Variants in ADGRF5 observed in about 807,000 individuals in gnomAD.
The protein encoded by ADGRF5 is G-protein coupled receptor 116.
ADGRF5 carries 75 observed loss-of-function variants against 132.3 expected under a neutral mutation model. That is an observed-to-expected ratio of 0.57 (90% CI 0.47 to 0.69). The LOEUF (loss-of-function observed/expected upper bound fraction) is 0.69, where lower values mean the gene tolerates loss of function less well. Ranked by LOEUF, ADGRF5 falls within the 30% of genes least tolerant of loss-of-function variation. The pLI is 0.00. For synonymous variants in ADGRF5, 629 were observed against 597.6 expected, an observed-to-expected ratio of 1.05 and a Z score of -0.77; for missense variants, 1,516 against 1,630.6, an observed-to-expected ratio of 0.93 and a Z score of 1.21.
chr6:46,886,766 C>T (rs1018112069), intron 4 of ADGRF5: 2 of 152,324 alleles, frequency 1.3e-5, no homozygotes, highest in East Asian at 3.9e-4. Context: ...TCATTGCCCA[C>T]CCATCCCATT....
intron 10 of ADGRF5, among the ~76,000 whole-genome samples, chr6:46,877,684 G>A (rs1771970336): frequency 6.6e-6 from 1 of 152,076 alleles, no homozygotes; most frequent in Non-Finnish European, 1.5e-5. Flanking sequence ...TGAAATGACT[G>A]AGAGACAAAC....
chr6:46,931,260 T>G (rs1409825508), intron 1 of ADGRF5, among the ~76,000 whole-genome samples: 1 of 152,106 alleles, frequency 6.6e-6, no homozygotes, highest in Admixed American at 6.6e-5. Context: ...TCTTTCTCTT[T>G]CCCCTCATTT....
intron 13 of ADGRF5, among the ~76,000 whole-genome samples, chr6:46,865,755 G>A (rs1770341825): frequency 6.6e-6 from 1 of 152,192 alleles, no homozygotes; most frequent in Admixed American, 6.5e-5. Flanking sequence ...AGACTACAGT[G>A]TTTATTGAGT....
intron 17 of ADGRF5, 88 bp from the exon 18 acceptor site, chr6:46,856,996 T>A: frequency 1.0e-6 from 1 of 974,344 alleles, no homozygotes; most frequent in Non-Finnish European, 1.6e-6. Flanking sequence ...TGGTGTTAAA[T>A]TTGTACTACT....
intron 6 of ADGRF5, among the ~76,000 whole-genome samples, chr6:46,882,774 A>G (rs927280418): frequency 2.6e-5 from 4 of 152,222 alleles, no homozygotes; most frequent in Non-Finnish European, 5.9e-5. Context: ...TGTAAATCAA[A>G]CATCCAAGAG....
At chr6:46,954,246 T>G (rs748222810) in intron 1 of ADGRF5, among the ~76,000 whole-genome samples, 5 of 109,828 alleles carry the variant, frequency 4.6e-5, no homozygotes, top group Non-Finnish European at 9.3e-5. Context: ...CAAAGTACTC[T>G]TTTTTTTTTC....
intron 1 of ADGRF5, among the ~76,000 whole-genome samples, chr6:46,943,407 A>G (rs1288431170): frequency 6.6e-6 from 1 of 152,178 alleles, no homozygotes; most frequent in Non-Finnish European, 1.5e-5. Flanking sequence ...GTTTCTGGGC[A>G]CCTACTTTGT....
At chr6:46,927,039 G>T (rs1777285978) in intron 1 of ADGRF5, among the ~76,000 whole-genome samples, 1 of 152,038 alleles carries the variant, frequency 6.6e-6, no homozygotes, top group African/African-American at 2.4e-5. Context: ...CCTGGTTTGG[G>T]ACTGCAAAGC....
chr6:46,944,571 C>T (rs996374552), intron 1 of ADGRF5, among the ~76,000 whole-genome samples: 1 of 152,180 alleles, frequency 6.6e-6, no homozygotes, highest in African/African-American at 2.4e-5. Flanking sequence ...TGATCAGCAT[C>T]CAGCCAGTTT....
chr6:46,932,588 G>T (rs1777605286), intron 1 of ADGRF5, among the ~76,000 whole-genome samples: 1 of 152,142 alleles, frequency 6.6e-6, no homozygotes, highest in African/African-American at 2.4e-5. Context: ...TAACCATAGT[G>T]AAAGTAATTT....
intron 17 of ADGRF5, among the ~76,000 whole-genome samples, 178 bp downstream of exon 17, chr6:46,857,951 T>A (rs1322807628): frequency 6.6e-6 from 1 of 152,204 alleles, no homozygotes; most frequent in Non-Finnish European, 1.5e-5. Flanking sequence ...TGAGGTGCCA[T>A]AGGATCAGAA....
At chr6:46,897,000 CT>C (rs1170322985) in intron 3 of ADGRF5, among the ~76,000 whole-genome samples, 1 of 151,950 alleles carries the variant, frequency 6.6e-6, no homozygotes, top group Non-Finnish European at 1.5e-5. Context: ...ATATCAGGGA[CT>C]TCAGCATATG....
chr6:46,869,133 A>G, intron 11 of ADGRF5, 41 bp from the exon 12 acceptor site: 2 of 1,587,340 alleles, frequency 1.3e-6, no homozygotes, highest in South Asian at 2.2e-5. Flanking sequence ...GAAAACTGAC[A>G]AGTTCAATGT....
chr6:46,909,854 G>A (rs1446705943), intron 1 of ADGRF5, among the ~76,000 whole-genome samples: 2 of 151,038 alleles, frequency 1.3e-5, no homozygotes, highest in African/African-American at 2.4e-5. Context: ...TTTGTAAATA[G>A]CCAGGTGCAC....
chr6:46,935,720 C>G (rs1203449500), intron 1 of ADGRF5, among the ~76,000 whole-genome samples: 5 of 152,212 alleles, frequency 3.3e-5, no homozygotes, highest in African/African-American at 1.2e-4. Context: ...TCAACTCCAT[C>G]TGGAAACATC....
Position 46,865,115 on chromosome 6 carries a change from A to T in ADGRF5, c.1917T>A (p.Asp639Glu), listed in dbSNP as rs867723248. 6.2e-7 allele frequency: 1 copy of T among 1,610,974 alleles called. No homozygotes were observed. Among genetic ancestry groups the T allele is most frequent in the South Asian group, 1.1e-5 (1 of 91,010 alleles). ...CAGCATTGGTAAAGTGACAACACAC[A>T]TCAACAGTTTTTGAACACCAGGAAA... is the stretch of plus-strand genomic sequence containing the variant. The part of the protein sequence containing the change: ...SSVSWCSKTV[D>E]VCCHFTNAAN... The change falls in exon 14 of 21, where the codon GAT becomes GAA. Residue 639 changes from aspartate to glutamate, a missense_variant. Transcript: ENST00000283296.
chr6:46,872,079 C>T lies in ADGRF5; in HGVS notation c.1241-66G>A, dbSNP rs778288636. 147 of 1,119,990 alleles carry T rather than the reference C, an allele frequency of 1.3e-4. 1 individual carries two copies. In the Middle Eastern group the frequency reaches 2.1e-3, roughly 16 times the overall value. 69.4% of individuals were successfully genotyped at this position (1,119,990 alleles called of 1,614,324 possible). On this transcript the variant is annotated intron_variant, in intron 10 of 20. Transcript: ENST00000283296. ...CTCTTTTATTTAGTAGCAAAGAGGTCAAATCATTTTTTTTTCATAAAAGGA... is the reference window on the plus strand; with the variant it reads ...CTCTTTTATTTAGTAGCAAAGAGGTTAAATCATTTTTTTTTCATAAAAGGA...
intron 1 of ADGRF5, among the ~76,000 whole-genome samples, chr6:46,943,778 T>A (rs1024158989): frequency 6.6e-6 from 1 of 152,196 alleles, no homozygotes; most frequent in Non-Finnish European, 1.5e-5. Flanking sequence ...CACTATACCA[T>A]ATTATGCTTC....
At position 46,884,280 on chromosome 6, in the gene ADGRF5, A is replaced by C. The variant is rs908683831; in HGVS notation, c.329-9T>G. On this transcript the variant is annotated splice_polypyrimidine_tract_variant and intron_variant, in intron 4 of 20. Coordinates refer to ENST00000283296, the MANE Select transcript of ADGRF5 (RefSeq NM_001098518.2). ...TCCAGCAGGTCTGCAGACTATCGTTAATCAGAACAGCAAGGAGAGAGAAGG... is the reference window on the plus strand; with the variant it reads ...TCCAGCAGGTCTGCAGACTATCGTTCATCAGAACAGCAAGGAGAGAGAAGG... 6.2e-7 allele frequency: 1 copy of C among 1,609,594 alleles called. No homozygotes were observed. Among genetic ancestry groups the C allele is most frequent in the Non-Finnish European group, 8.5e-7 (1 of 1,176,220 alleles).
Sources: allele counts gnomAD v4.1 joint callset (sites outside exome capture counted in the v4.1 genomes callset), GRCh38; gene constraint gnomAD v4.1.1; transcripts MANE v1.5; gene names NCBI Gene and HGNC (gene_info 2026-07-23, HGNC 2026-07-21).